TIAM1: variants seen among roughly 807,000 people sequenced by gnomAD.
TIAM1 encodes the protein rho guanine nucleotide exchange factor TIAM1.
In TIAM1, 65 loss-of-function variants were observed where a neutral mutation model predicts 163.5. That is an observed-to-expected ratio of 0.40 (90% CI 0.33 to 0.49). The LOEUF is 0.49. Ranked by LOEUF, TIAM1 falls within the 20% of genes least tolerant of loss-of-function variation. The pLI is 0.77. For synonymous variants in TIAM1, 833 were observed against 810.1 expected (o/e 1.03, Z -0.48); for missense variants, 1,789 against 2,044.7 (o/e 0.87, Z 2.41).
intron 2 of TIAM1, among the ~76,000 whole-genome samples, chr21:31,425,934 T>C (rs1477032183): frequency 6.6e-6 from 1 of 152,116 alleles, no homozygotes; most frequent in Non-Finnish European, 1.5e-5. Flanking sequence ...GGTCTCGTCA[T>C]GTTGGCCAGG....
intron 4 of TIAM1, among the ~76,000 whole-genome samples, chr21:31,262,848 C>G (rs2146800377): frequency 6.6e-6 from 1 of 152,182 alleles, no homozygotes; most frequent in South Asian, 2.1e-4. Context: ...ATCACAGATT[C>G]AACTACATCA....
At chr21:31,373,383 T>A (rs185059481) in intron 2 of TIAM1, among the ~76,000 whole-genome samples, 1 of 152,126 alleles carries the variant, frequency 6.6e-6, no homozygotes, top group Admixed American at 6.5e-5. Context: ...TAATTGCACT[T>A]ACAGTTCCAC....
chr21:31,352,582 TG>T (rs2147119306), intron 2 of TIAM1, among the ~76,000 whole-genome samples: 1 of 147,340 alleles, frequency 6.8e-6, no homozygotes, highest in East Asian at 2.0e-4. Flanking sequence ...CCTGGTACAG[TG>T]GCTCATGCCT....
At chr21:31,428,898 T>C (rs1017383186) in intron 2 of TIAM1, among the ~76,000 whole-genome samples, 1 of 143,450 alleles carries the variant, frequency 7.0e-6, no homozygotes, top group Non-Finnish European at 1.5e-5. Flanking sequence ...AAAAAAAAAG[T>C]AAAAGTAAAG....
intron 15 of TIAM1, among the ~76,000 whole-genome samples, chr21:31,181,306 C>G (rs191205995): frequency 2.6e-5 from 4 of 151,984 alleles, no homozygotes; most frequent in African/African-American, 9.7e-5. Flanking sequence ...CACATTTAGG[C>G]GAAAAGAGAG....
intron 13 of TIAM1, 79 bp from the exon 14 acceptor site, chr21:31,187,166 A>T: frequency 1.6e-6 from 2 of 1,266,612 alleles, no homozygotes; most frequent in Non-Finnish European, 2.3e-6. Flanking sequence ...GCCTGCTGTG[A>T]ACTAGGTATG....
In TIAM1 at chr21:31,395,548, T is replaced by C. The variant is rs969495577; in HGVS notation, c.-368-56126A>G. ...GCGAAGAGAAGGGCCAACCCTGCAT[T>C]TTCTGCCACAGGAGAATGTATTGTT... On this transcript the variant is annotated intron_variant, in intron 2 of 28. Transcript: ENST00000286827. This position sits in a 1 kb window ranked among gnomAD's most constrained non-coding sequence, Gnocchi z 7.5. Among the ~76,000 whole-genome samples the C allele has an allele frequency of 1.3e-5, 2 of 152,194 alleles. No homozygotes were observed. Among genetic ancestry groups the C allele is most frequent in the African/African-American group, 4.8e-5 (2 of 41,448 alleles).
chr21:31,178,812 C>T (rs1439330697), intron 15 of TIAM1, among the ~76,000 whole-genome samples: 1 of 151,750 alleles, frequency 6.6e-6, no homozygotes, highest in Non-Finnish European at 1.5e-5. Flanking sequence ...AGTGCAATGG[C>T]ACAATCTTGG....
At chr21:31,501,240 C>T (rs2046838144) in intron 1 of TIAM1, among the ~76,000 whole-genome samples, 1 of 152,132 alleles carries the variant, frequency 6.6e-6, no homozygotes, top group South Asian at 2.1e-4. Context: ...CTGGTTCACA[C>T]CCCACGTACA....
intron 1 of TIAM1, among the ~76,000 whole-genome samples, chr21:31,497,164 T>C (rs1006035993): frequency 1.3e-5 from 2 of 152,200 alleles, no homozygotes; most frequent in East Asian, 3.8e-4. Context: ...AGGTGTGTTG[T>C]AGGGTATACC....
chr21:31,287,196 G>C (rs1035812115), intron 2 of TIAM1, among the ~76,000 whole-genome samples: 1 of 152,158 alleles, frequency 6.6e-6, no homozygotes, highest in Non-Finnish European at 1.5e-5. Flanking sequence ...TTTTACAAAT[G>C]ACAGCATCTT....
At position 31,189,044 on chromosome 21, in the gene TIAM1, CTTTTTTT is replaced by C. The variant is rs58786753; in HGVS notation, c.2576-1964_2576-1958del. Among the ~76,000 whole-genome samples, 13 of 70,070 alleles carry C rather than the reference CTTTTTTT, an allele frequency of 1.9e-4. No homozygotes were observed. The South Asian group carries it at 2.4e-3, about 13-fold the overall frequency. 46.0% of individuals were successfully genotyped at this position (70,070 alleles called of 152,430 possible). A position where few individuals can be genotyped will look rare whatever the true frequency, so the allele number is the denominator to read the frequency against. ...TCAGGTATGATTTGCTCCATTCCCT[CTTTTTTT>C]TTTTTTTTTTTTTTTTTTTTTGAGA... On this transcript the variant is annotated intron_variant, in intron 13 of 27. Transcript: ENST00000541036.
rs564148203 is a variant in TIAM1 at position 31,388,081 on chromosome 21, C to T, written c.-368-48659G>A. On this transcript the variant is annotated intron_variant, in intron 2 of 28. Transcript: ENST00000286827. ...CGTCACAATTATAGGTTTCCTGAGG[C>T]CTCCCTAGAAGCCTAGCAGACGCCG... Among the ~76,000 whole-genome samples the T allele has an allele frequency of 7.2e-4, 109 of 151,266 alleles. 2 individuals carry two copies. The South Asian group carries it at 0.022, about 30-fold the overall frequency.
intron 2 of TIAM1, among the ~76,000 whole-genome samples, chr21:31,359,076 T>C (rs1341352322): frequency 1.3e-5 from 2 of 152,128 alleles, no homozygotes. Context: ...TCTTTTAGTC[T>C]TCATTCAAAT....
At chr21:31,430,273 C>T (rs7276896) in intron 2 of TIAM1, among the ~76,000 whole-genome samples, 5,169 of 126,006 alleles carry the variant, frequency 0.041, 355 homozygotes, top group African/African-American at 0.16. Flanking sequence ...CACACACACA[C>T]ATATATATAT....
chr21:31,472,598 C>T (rs554983389), intron 1 of TIAM1, among the ~76,000 whole-genome samples: 6 of 152,272 alleles, frequency 3.9e-5, no homozygotes, highest in Admixed American at 2.6e-4. Flanking sequence ...TCACATGCCC[C>T]GCATGTTTCA....
intron 2 of TIAM1, among the ~76,000 whole-genome samples, chr21:31,292,860 G>A (rs1015082689): frequency 6.6e-5 from 10 of 151,030 alleles, no homozygotes; most frequent in African/African-American, 2.4e-4. Context: ...GTAGAGACAT[G>A]GTTTCACCAT....
upstream of TIAM1, among the ~76,000 whole-genome samples, chr21:31,348,477 C>T (rs2076184340): frequency 6.6e-6 from 1 of 152,236 alleles, no homozygotes; most frequent in South Asian, 2.1e-4. Flanking sequence ...TACCTGAATC[C>T]AAACACGATT....
At chr21:31,394,613 C>T (rs553277404) in intron 2 of TIAM1, among the ~76,000 whole-genome samples, 38 of 151,900 alleles carry the variant, frequency 2.5e-4, no homozygotes, top group Admixed American at 8.5e-4. Context: ...GAGGAAGGGG[C>T]GTACAGGAAC....
Sources: gnomAD v4.1 joint callset for allele counts (sites outside exome capture counted in the v4.1 genomes callset) on GRCh38, gnomAD v4.1.1 for gene constraint, Gnocchi (gnomAD v3.1) non-coding constraint, MANE v1.5 for transcripts, NCBI Gene and HGNC (gene_info 2026-07-23, HGNC 2026-07-21) for gene names.